The following PDE3B variants were observed in gnomAD, a reference collection of about 807,000 sequenced individuals.
The protein encoded by PDE3B is phosphodiesterase 3B.
In PDE3B, 66 loss-of-function variants were observed where a neutral mutation model predicts 116.8. That is an observed-to-expected ratio of 0.56 (90% CI 0.46 to 0.69). The LOEUF is 0.69. Ranked by LOEUF, PDE3B falls within the 30% of genes least tolerant of loss-of-function variation. The pLI is 0.00. For synonymous variants in PDE3B, 595 were observed against 533.6 expected (o/e 1.12, Z -1.59); for missense variants, 1,384 against 1,368.1 (o/e 1.01, Z -0.18).
chr11:14,811,616 C>T lies in PDE3B; in HGVS notation c.1523-6567C>T, dbSNP rs1168256789. Reference sequence around the variant, plus strand: ...TTCTTTTGGCTTAGGATTGGCTTGGCGATGTGGGCTCTTTTTTGGTTCCAT... The same window carrying T: ...TTCTTTTGGCTTAGGATTGGCTTGGTGATGTGGGCTCTTTTTTGGTTCCAT... On this transcript the variant is annotated intron_variant, in intron 5 of 15. Transcript: ENST00000282096. Among the ~76,000 whole-genome samples, 5 of 152,070 alleles carry T rather than the reference C, an allele frequency of 3.3e-5. No homozygotes were observed. The South Asian group carries it at 6.2e-4, about 19-fold the overall frequency.
At chr11:14,892,179 C>T in the PDE3B span, 1 of 1,610,626 alleles carries the variant, frequency 6.2e-7, no homozygotes, top group Non-Finnish European at 8.5e-7. Flanking sequence ...CCGCCGCGCC[C>T]TCTTCAGCTC....
At chr11:14,778,234 T>A (rs977142442) in intron 2 of PDE3B, among the ~76,000 whole-genome samples, 1 of 152,154 alleles carries the variant, frequency 6.6e-6, no homozygotes, top group Non-Finnish European at 1.5e-5. Flanking sequence ...ACTCCACCTC[T>A]GGGGGCAGGG....
chr11:14,894,574 C>A, the PDE3B span, among the ~76,000 whole-genome samples: 1 of 152,196 alleles, frequency 6.6e-6, no homozygotes, highest in African/African-American at 2.4e-5. Flanking sequence ...CTTTGGCATT[C>A]TTTCCCTGGC....
intron 1 of PDE3B, among the ~76,000 whole-genome samples, chr11:14,662,889 A>G (rs1029839417): frequency 6.6e-6 from 1 of 152,238 alleles, no homozygotes; most frequent in Non-Finnish European, 1.5e-5. Context: ...ACTCTGCAGG[A>G]TATTATCTAG....
In PDE3B at chr11:14,644,468, C is replaced by T. The variant is rs559345247; in HGVS notation, c.393C>T (p.Phe131=). ...TCAGCATCGCCTGTGCCTTCTTCTT[C>T]CTCACCTGCTTCCTCACCCGGACCA... ...PLFSIACAFF[F]LTCFLTRTKR... Residue 131 remains phenylalanine, a synonymous_variant, in exon 1 of 16, where the codon TTC becomes TTT. Coordinates refer to ENST00000282096, the MANE Select transcript of PDE3B (RefSeq NM_000922.4). 30 of 1,613,020 alleles carry T rather than the reference C, an allele frequency of 1.9e-5. No individual in the cohort carries two copies. In the South Asian group the frequency reaches 3.1e-4, roughly 17 times the overall value.
chr11:14,780,487 A>C (rs111611089), intron 2 of PDE3B, among the ~76,000 whole-genome samples: 142 of 152,362 alleles, frequency 9.3e-4, no homozygotes, highest in African/African-American at 3.2e-3. Context: ...AGTGCAGTCA[A>C]ACTGGAACTC....
intron 1 of PDE3B, among the ~76,000 whole-genome samples, chr11:14,682,265 G>A (rs1317631704): frequency 6.6e-6 from 1 of 152,136 alleles, no homozygotes; most frequent in Non-Finnish European, 1.5e-5. Flanking sequence ...TTCAAGGGTC[G>A]ACTGTAAATG....
intron 12 of PDE3B, among the ~76,000 whole-genome samples, chr11:14,844,443 G>C (rs550736618): frequency 2.6e-5 from 4 of 152,344 alleles, no homozygotes; most frequent in African/African-American, 7.2e-5. Context: ...TTCCATCGGA[G>C]GTACCAGGTT....
At chr11:14,893,288 C>T in the PDE3B span, among the ~76,000 whole-genome samples, 3 of 152,120 alleles carry the variant, frequency 2.0e-5, no homozygotes, top group South Asian at 4.2e-4. Context: ...ACAAAAAGTG[C>T]GTTATAGAAA....
intron 1 of PDE3B, chr11:14,674,163 C>A (rs1854459951): frequency 1.5e-6 from 2 of 1,328,272 alleles, no homozygotes; most frequent in Non-Finnish European, 2.2e-6. Context: ...TCCGAGGAGG[C>A]CAAGGAGTCT....
At chr11:14,675,109 A>T (rs945521502) in intron 1 of PDE3B, among the ~76,000 whole-genome samples, 2 of 152,180 alleles carry the variant, frequency 1.3e-5, no homozygotes, top group African/African-American at 4.8e-5. Context: ...TTAGGTTGAT[A>T]TAATTCTTCA....
intron 1 of PDE3B, among the ~76,000 whole-genome samples, chr11:14,703,493 T>C (rs1347619024): frequency 6.6e-6 from 1 of 151,608 alleles, no homozygotes; most frequent in African/African-American, 2.4e-5. Context: ...TCAAGGCTGC[T>C]GGGGTTATTA....
chr11:14,846,424 G>T (rs908538411), intron 12 of PDE3B, among the ~76,000 whole-genome samples: 1 of 152,184 alleles, frequency 6.6e-6, no homozygotes, highest in Admixed American at 6.5e-5. Flanking sequence ...GGAAGAAACT[G>T]CATCAACTAA....
intron 12 of PDE3B, among the ~76,000 whole-genome samples, chr11:14,855,228 A>C (rs1042411953): frequency 3.3e-5 from 5 of 152,170 alleles, no homozygotes; most frequent in African/African-American, 1.2e-4. Context: ...AGTTCTAAAA[A>C]GAAGGGAGTC....
chr11:14,817,728 C>A (rs1320472787), intron 5 of PDE3B, among the ~76,000 whole-genome samples: 2 of 151,744 alleles, frequency 1.3e-5, no homozygotes, highest in Non-Finnish European at 2.9e-5. Flanking sequence ...GAAATGAGAC[C>A]CCATCTCACA....
intron 12 of PDE3B, among the ~76,000 whole-genome samples, chr11:14,854,422 A>G (rs1555005820): frequency 6.6e-6 from 1 of 152,186 alleles, no homozygotes; most frequent in East Asian, 1.9e-4. Context: ...AACAAACCCT[A>G]TCCACATTTA....
At chr11:14,738,985 T>C (rs1856681281) in intron 1 of PDE3B, among the ~76,000 whole-genome samples, 1 of 152,254 alleles carries the variant, frequency 6.6e-6, no homozygotes. Context: ...ACTAGTACCA[T>C]GCTGTTTTGG....
intron 4 of PDE3B, among the ~76,000 whole-genome samples, chr11:14,797,716 T>A (rs1168440386): frequency 3.3e-5 from 5 of 152,238 alleles, no homozygotes; most frequent in African/African-American, 4.8e-5. Flanking sequence ...CACTCATGAT[T>A]TGGCTCTCTT....
downstream of PDE3B, among the ~76,000 whole-genome samples, chr11:14,875,683 A>C (rs1848181874): frequency 6.6e-6 from 1 of 152,216 alleles, no homozygotes; most frequent in Non-Finnish European, 1.5e-5. Flanking sequence ...ATAATGAAAA[A>C]CAGCCTTATA....
Sources: allele counts gnomAD v4.1 joint callset (sites outside exome capture counted in the v4.1 genomes callset), GRCh38; gene constraint gnomAD v4.1.1; transcripts MANE v1.5; gene names NCBI Gene and HGNC (gene_info 2026-07-23, HGNC 2026-07-21).